The following LMX1A variants were observed in gnomAD, a reference collection of about 807,000 sequenced individuals.
LMX1A encodes the protein LIM homeobox transcription factor 1 alpha, also known as LIM homeobox transcription factor 1-alpha.
Under a neutral mutation model 49.1 loss-of-function variants are expected in LMX1A, and 15 were observed. The observed-to-expected ratio is 0.31, with a 90% CI of 0.20 to 0.47. LMX1A has a LOEUF of 0.47. Ranked by LOEUF, LMX1A falls within the 20% of genes least tolerant of loss-of-function variation. LMX1A has a pLI of 1.00. For synonymous variants in LMX1A, 167 were observed against 185.7 expected, an observed-to-expected ratio of 0.90 and a Z score of 0.82; for missense variants, 372 against 475.8, an observed-to-expected ratio of 0.78 and a Z score of 2.03.
intron 6 of LMX1A, 90 bp downstream of exon 6, chr1:165,210,609 G>T: frequency 1.1e-6 from 1 of 911,644 alleles, no homozygotes; most frequent in South Asian, 1.7e-5. Flanking sequence ...GAGCTAAGGC[G>T]AGAAAACCTG....
intron 3 of LMX1A, among the ~76,000 whole-genome samples, chr1:165,278,638 C>T (rs1353985555): frequency 6.6e-6 from 1 of 152,172 alleles, no homozygotes; most frequent in Non-Finnish European, 1.5e-5. Context: ...CGGGGACAGC[C>T]CACAACCACC....
intron 3 of LMX1A, among the ~76,000 whole-genome samples, chr1:165,251,416 C>T (rs1324479592): frequency 2.0e-5 from 3 of 152,056 alleles, no homozygotes; most frequent in Non-Finnish European, 2.9e-5. Context: ...TATCCAAGTT[C>T]TGGAAAAGGA....
At chr1:165,242,467 CAA>C (rs10624846) in intron 4 of LMX1A, among the ~76,000 whole-genome samples, 6 of 132,248 alleles carry the variant, frequency 4.5e-5, no homozygotes, top group Admixed American at 7.5e-5. Flanking sequence ...CATAAAAAAG[CAA>C]AAAAAAAAAA....
intron 3 of LMX1A, among the ~76,000 whole-genome samples, chr1:165,307,692 C>T (rs1654959032): frequency 6.6e-6 from 1 of 152,148 alleles, no homozygotes; most frequent in Non-Finnish European, 1.5e-5. Flanking sequence ...TAACCCCTAC[C>T]CACGTCAGCT....
At chr1:165,302,317 G>A (rs1019257285) in intron 3 of LMX1A, among the ~76,000 whole-genome samples, 2 of 152,022 alleles carry the variant, frequency 1.3e-5, no homozygotes, top group Non-Finnish European at 2.9e-5. Context: ...TGTGGTGCAT[G>A]CGTGTAATCC....
At chr1:165,227,257 A>C (rs924783454) in intron 4 of LMX1A, among the ~76,000 whole-genome samples, 4 of 152,210 alleles carry the variant, frequency 2.6e-5, no homozygotes, top group Non-Finnish European at 5.9e-5. Flanking sequence ...CACAGAGCCA[A>C]CCAGGCACAG....
chr1:165,323,606 A>T (rs1226960792), intron 3 of LMX1A, among the ~76,000 whole-genome samples: 3 of 152,354 alleles, frequency 2.0e-5, no homozygotes, highest in African/African-American at 7.2e-5. Flanking sequence ...CTCTAGCAGC[A>T]CACATGGTAA....
In LMX1A at chr1:165,258,529, G is replaced by A. The variant is rs1653323171; in HGVS notation, c.264-8889C>T. ...GAAAATGGGAAACAATAAGTGGCTG[G>A]CAGAGCCAATCAGGGTCTCTGTCTG... On this transcript the variant is annotated intron_variant, in intron 3 of 8. Coordinates refer to ENST00000342310, the MANE Select transcript of LMX1A (RefSeq NM_177398.4). 3.3e-5 allele frequency among the ~76,000 whole-genome samples: 5 copies of A among 152,248 alleles called. 1 individual carries two copies. The South Asian group carries it at 1.0e-3, about 32-fold the overall frequency.
At chr1:165,330,312 A>G (rs1240000731) in intron 3 of LMX1A, among the ~76,000 whole-genome samples, 2 of 152,200 alleles carry the variant, frequency 1.3e-5, no homozygotes, top group African/African-American at 4.8e-5. Context: ...TGTCCCTACA[A>G]AAAATTTCAA....
At chr1:165,339,354 G>T (rs74118596) in intron 3 of LMX1A, among the ~76,000 whole-genome samples, 1 of 152,324 alleles carries the variant, frequency 6.6e-6, no homozygotes, top group African/African-American at 2.4e-5. Context: ...CAACTGACAG[G>T]CATGTGCATA....
chr1:165,227,712 A>G (rs1245882500), intron 4 of LMX1A, among the ~76,000 whole-genome samples: 1 of 152,182 alleles, frequency 6.6e-6, no homozygotes, highest in Non-Finnish European at 1.5e-5. Context: ...ACTGAGCACC[A>G]TAGTATCCAT....
At chr1:165,314,066 CAGAG>C (rs1441395892) in intron 3 of LMX1A, among the ~76,000 whole-genome samples, 1 of 152,138 alleles carries the variant, frequency 6.6e-6, no homozygotes, top group Non-Finnish European at 1.5e-5. Context: ...GTGTTAACAA[CAGAG>C]AGAGGCAACC....
At chr1:165,293,792 C>T (rs964302845) in intron 3 of LMX1A, among the ~76,000 whole-genome samples, 7 of 152,154 alleles carry the variant, frequency 4.6e-5, no homozygotes, top group Non-Finnish European at 1.0e-4. Context: ...CCCTCAGGCC[C>T]CTTTTATAAG....
chr1:165,252,857 A>G (rs1218507316), intron 3 of LMX1A, among the ~76,000 whole-genome samples: 1 of 152,234 alleles, frequency 6.6e-6, no homozygotes, highest in African/African-American at 2.4e-5. Flanking sequence ...GCATTTTCCT[A>G]TACACAGGCC....
intron 3 of LMX1A, among the ~76,000 whole-genome samples, chr1:165,325,669 C>G (rs948414690): frequency 6.6e-6 from 1 of 151,988 alleles, no homozygotes; most frequent in East Asian, 1.9e-4. Flanking sequence ...CACCGTGCCT[C>G]CCCCCTCCCT....
intron 3 of LMX1A, among the ~76,000 whole-genome samples, chr1:165,310,433 T>C (rs1571215643): frequency 6.6e-6 from 1 of 152,206 alleles, no homozygotes; most frequent in Non-Finnish European, 1.5e-5. Flanking sequence ...GGTATAGTAT[T>C]ACAAAGTCAA....
At chr1:165,276,286 C>T (rs1255896733) in intron 3 of LMX1A, among the ~76,000 whole-genome samples, 1 of 152,174 alleles carries the variant, frequency 6.6e-6, no homozygotes, top group Non-Finnish European at 1.5e-5. Context: ...CAAGCTCCTC[C>T]TTGTCTGATA....
intron 2 of LMX1A, among the ~76,000 whole-genome samples, chr1:165,353,912 A>T (rs766737306): frequency 3.9e-5 from 6 of 152,214 alleles, no homozygotes; most frequent in Non-Finnish European, 7.3e-5. Context: ...AGGGAAAAAA[A>T]TAGCGGAAGA....
intron 3 of LMX1A, among the ~76,000 whole-genome samples, chr1:165,311,135 G>A (rs1049494415): frequency 4.6e-5 from 7 of 152,038 alleles, no homozygotes; most frequent in African/African-American, 1.2e-4. Context: ...TTTTTCTTCC[G>A]CCAGGGCCCC....
Sources: allele counts gnomAD v4.1 joint callset (sites outside exome capture counted in the v4.1 genomes callset), GRCh38; gene constraint gnomAD v4.1.1; transcripts MANE v1.5; gene names NCBI Gene and HGNC (gene_info 2026-07-23, HGNC 2026-07-21).